RAD51B: variants seen among roughly 807,000 people sequenced by gnomAD.
RAD51B encodes RAD51 paralog B.
RAD51B carries 38 observed loss-of-function variants against 42.2 expected under a neutral mutation model. The ratio of observed to expected loss-of-function variants is 0.90; its 90% CI spans 0.70 to 1.18. The LOEUF (loss-of-function observed/expected upper bound fraction) is 1.18. RAD51B is among the 50% of genes most tolerant of loss of function. The probability of loss-of-function intolerance (pLI) is 0.00; values close to 1 mark genes in which losing one functional copy is unlikely to be tolerated. For missense variants in RAD51B, 373 were observed against 400.7 expected (o/e 0.93, Z 0.59); for synonymous variants, 154 against 145.2 (o/e 1.06, Z -0.43).
chr14:68,296,331 T>A (rs114253481), intron 8 of RAD51B, among the ~76,000 whole-genome samples: 2,201 of 152,278 alleles, frequency 0.014, 47 homozygotes, highest in African/African-American at 0.049. Flanking sequence ...AGTATTTTCT[T>A]CTTCAGATTT....
intron 7 of RAD51B, among the ~76,000 whole-genome samples, chr14:68,283,556 C>G (rs969173270): frequency 6.6e-6 from 1 of 152,088 alleles, no homozygotes; most frequent in African/African-American, 2.4e-5. Context: ...CACAGTTCAC[C>G]AATTGTGCAT....
intron 10 of RAD51B, among the ~76,000 whole-genome samples, chr14:68,605,996 C>G (rs1891430251): frequency 6.6e-6 from 1 of 152,220 alleles, no homozygotes; most frequent in South Asian, 2.1e-4. Flanking sequence ...ACTCTGAAGT[C>G]TAAACTGTCA....
At chr14:68,171,401 G>A (rs1189363553) in intron 7 of RAD51B, among the ~76,000 whole-genome samples, 1 of 152,056 alleles carries the variant, frequency 6.6e-6, no homozygotes, top group Non-Finnish European at 1.5e-5. Context: ...CCGGGTTCAA[G>A]TGATTCTCCT....
intron 8 of RAD51B, among the ~76,000 whole-genome samples, chr14:68,372,478 A>G (rs2083284457): frequency 6.6e-6 from 1 of 152,216 alleles, no homozygotes; most frequent in Non-Finnish European, 1.5e-5. Flanking sequence ...AAAAGACCTC[A>G]AAGGTATTAG....
intron 4 of RAD51B, among the ~76,000 whole-genome samples, chr14:67,836,609 A>G (rs1221704709): frequency 6.6e-6 from 1 of 151,548 alleles, no homozygotes; most frequent in African/African-American, 2.4e-5. Context: ...GATTGCAGGC[A>G]TGTATCACCA....
downstream of RAD51B, chr14:68,478,149 T>G: frequency 9.8e-7 from 1 of 1,021,954 alleles, no homozygotes; most frequent in African/African-American, 1.7e-5. Context: ...GATTCAGAAA[T>G]GAAATCATGG....
In RAD51B at chr14:67,884,816, T is replaced by C. The variant is rs977918723; in HGVS notation, c.453-1053T>C. The stretch of plus-strand genomic sequence containing the variant: ...CTTTTCAAATTGTTCAAAAATACAC[T>C]TAAAAACAGTTGTTGAAGTTCTCTC... On this transcript the variant is annotated intron_variant, in intron 5 of 10. Transcript: ENST00000471583. 2.0e-5 allele frequency among the ~76,000 whole-genome samples: 3 copies of C among 152,346 alleles called. No individual in the cohort carries two copies. The East Asian group carries it at 5.8e-4, about 29-fold the overall frequency.
At chr14:67,862,017 AG>A (rs1274924813) in intron 4 of RAD51B, among the ~76,000 whole-genome samples, 1 of 152,082 alleles carries the variant, frequency 6.6e-6, no homozygotes, top group African/African-American at 2.4e-5. Context: ...TGTTGGTAAA[AG>A]GGTCTCAAGT....
At position 68,005,045 on chromosome 14, in the gene RAD51B, GT is replaced by G. The variant is rs753867497; in HGVS notation, c.756+117868del. On this transcript the variant is annotated intron_variant, in intron 7 of 10. Transcript: ENST00000471583. ...CTACCATTCTACTGTGTGTGTGTGTGTTTTTTTTTTTTTTTTTTTTTTTTTT... is the reference window on the plus strand; with the variant it reads ...CTACCATTCTACTGTGTGTGTGTGTGTTTTTTTTTTTTTTTTTTTTTTTTT... Among the ~76,000 whole-genome samples the G allele has an allele frequency of 4.0e-3, 321 of 79,388 alleles. 1 individual carries two copies. Among genetic ancestry groups the G allele is most frequent in the African/African-American group, 0.016 (294 of 18,746 alleles). 52.1% of individuals were successfully genotyped at this position (79,388 alleles called of 152,430 possible).
chr14:68,457,352 G>A (rs2085722673), intron 9 of RAD51B, among the ~76,000 whole-genome samples: 1 of 152,072 alleles, frequency 6.6e-6, no homozygotes, highest in Non-Finnish European at 1.5e-5. Context: ...AGAAATGAGT[G>A]AAAATGAAAA....
chr14:68,473,944 T>G (rs1241034793), intron 10 of RAD51B, among the ~76,000 whole-genome samples: 1 of 152,248 alleles, frequency 6.6e-6, no homozygotes, highest in African/African-American at 2.4e-5. Context: ...TGATTTATTG[T>G]ACACGATTTC....
chr14:67,924,542 A>T (rs1349296477), intron 7 of RAD51B, among the ~76,000 whole-genome samples: 1 of 152,184 alleles, frequency 6.6e-6, no homozygotes, highest in East Asian at 1.9e-4. Flanking sequence ...GAAGGCAAGG[A>T]AGAGCAAGTC....
rs184509469 is a variant in RAD51B, at chr14:68,428,513, A to T, written c.957+16986A>T. On this transcript the variant is annotated intron_variant, in intron 9 of 10. Transcript: ENST00000471583. ...ATAACTGAAACGGTGTATCCATTGA[A>T]AGAGAACTCCCCATTTTCCACTTCT... 2.6e-5 allele frequency among the ~76,000 whole-genome samples: 4 copies of T among 151,888 alleles called. No homozygotes were observed. In the East Asian group the frequency reaches 7.7e-4, roughly 29 times the overall value.
intron 10 of RAD51B, among the ~76,000 whole-genome samples, chr14:68,546,137 A>G (rs1888221162): frequency 6.6e-6 from 1 of 152,220 alleles, no homozygotes; most frequent in South Asian, 2.1e-4. Flanking sequence ...TACTTACTGA[A>G]TAATCAGATC....
rs975832947 is a variant in RAD51B, at chr14:67,956,340, A to T, written c.756+69136A>T. 8.5e-5 allele frequency among the ~76,000 whole-genome samples: 13 copies of T among 152,240 alleles called. No individual in the cohort carries two copies. The East Asian group carries it at 2.5e-3, about 29-fold the overall frequency. On this transcript the variant is annotated intron_variant, in intron 7 of 10. Transcript: ENST00000471583. ...CATCCCTACTAAAAATACAAAAATT[A>T]GCCAAGTATGGTGGCGGCCACCTGT...
intron 7 of RAD51B, among the ~76,000 whole-genome samples, chr14:68,124,684 T>C (rs1380106885): frequency 2.6e-5 from 4 of 152,212 alleles, no homozygotes; most frequent in Admixed American, 2.6e-4. Flanking sequence ...CCGGGTGTGG[T>C]GGCTCACACC....
chr14:68,327,248 A>C lies in RAD51B; in HGVS notation c.853+35268A>C, dbSNP rs1276283768. 2.0e-5 allele frequency among the ~76,000 whole-genome samples: 3 copies of C among 152,098 alleles called. No homozygotes were observed. The East Asian group carries it at 5.8e-4, about 29-fold the overall frequency. On this transcript the variant is annotated intron_variant, in intron 8 of 10. Coordinates refer to ENST00000471583, the MANE Select transcript of RAD51B (RefSeq NM_133510.4). ...TAAACTATCAATCTGATGATGTCAG[A>C]TATTTTTCTCAGTGTCATTAGTTTG...
intron 10 of RAD51B, chr14:68,650,650 G>T: frequency 1.6e-6 from 1 of 611,768 alleles, no homozygotes; most frequent in Non-Finnish European, 2.9e-6. Flanking sequence ...GTTTAAAGTA[G>T]CATCTAATTC....
At chr14:68,123,122 G>A (rs1207236761) in intron 7 of RAD51B, among the ~76,000 whole-genome samples, 5 of 150,752 alleles carry the variant, frequency 3.3e-5, no homozygotes, top group Non-Finnish European at 7.4e-5. Context: ...GGCTTTGCCT[G>A]TTCCATAAAA....
Sources: gnomAD v4.1 joint callset for allele counts (sites outside exome capture counted in the v4.1 genomes callset) on GRCh38, gnomAD v4.1.1 for gene constraint, MANE v1.5 for transcripts, NCBI Gene and HGNC (gene_info 2026-07-23, HGNC 2026-07-21) for gene names.